F3: variants seen among roughly 807,000 people sequenced by gnomAD.
The protein encoded by F3 is tissue factor.
In F3, 18 loss-of-function variants were observed where a neutral mutation model predicts 33.5. The ratio of observed to expected loss-of-function variants is 0.54; its 90% CI spans 0.37 to 0.80. The LOEUF is 0.80. Among genes scored for constraint, F3 ranks in the 30% least tolerant of loss-of-function variants. The pLI, the probability that F3 is intolerant of heterozygous loss-of-function variation, is 0.00. For missense variants in F3, 353 were observed against 362.1 expected (o/e 0.97, Z 0.20); for synonymous variants, 147 against 140.7 (o/e 1.05, Z -0.32).
intron 4 of F3, 69 bp from the exon 5 acceptor site, chr1:94,532,549 G>C: frequency 1.3e-6 from 2 of 1,553,398 alleles, no homozygotes; most frequent in Admixed American, 1.8e-5. Context: ...TTAAGTCACT[G>C]TGGAAGTAAA....
At chr1:94,535,209 A>G (rs781139639) in intron 3 of F3, among the ~76,000 whole-genome samples, 6 of 152,120 alleles carry the variant, frequency 3.9e-5, no homozygotes, top group South Asian at 2.1e-4. Context: ...CTGGCCTTAC[A>G]AGAGAAGCTA....
chr1:94,536,967 C>CA (rs757466538), intron 2 of F3, among the ~76,000 whole-genome samples: 99 of 152,198 alleles, frequency 6.5e-4, no homozygotes, highest in Admixed American at 1.1e-3. Context: ...TCCATGAGGA[C>CA]ACTGAAGCTC....
At chr1:94,531,161 GA>G (rs2101088036) in intron 5 of F3, among the ~76,000 whole-genome samples, 1 of 152,330 alleles carries the variant, frequency 6.6e-6, no homozygotes, top group African/African-American at 2.4e-5. Context: ...GGATGGCTCA[GA>G]GGGGTGCAGG....
In F3 at chr1:94,541,509, C is replaced by T; in HGVS notation, c.100+28G>A. On this transcript the variant is annotated intron_variant, in intron 1 of 5. Transcript: ENST00000334047. Reference sequence around the variant, plus strand: ...CCTCCCTCCTGCGTGTGGCGCGCCCCGGGCTTCCAGGGGCTGGTGCCACTC... The same window carrying T: ...CCTCCCTCCTGCGTGTGGCGCGCCCTGGGCTTCCAGGGGCTGGTGCCACTC... 2.8e-6 allele frequency: 4 copies of T among 1,443,766 alleles called. No individual in the cohort carries two copies. In the African/African-American group the frequency reaches 4.4e-5, roughly 16 times the overall value. The allele number at this position is 1,443,766 out of a possible 1,614,324, so 89.4% of individuals were successfully genotyped here. A position where few individuals can be genotyped will look rare whatever the true frequency, so the allele number is the denominator to read the frequency against.
In F3 at chr1:94,536,063, G is replaced by C. The variant is rs957191238; in HGVS notation, c.314C>G (p.Ala105Gly). ...IVKDVKQTYL[A>G]RVFSYPAGNV... ...CCCTGCCGGGTAGGAGAAGACCCGT[G>C]CCAAGTACGTCTGCTTCACATCCTT... is the stretch of plus-strand genomic sequence containing the variant. The change falls in exon 3 of 6, where the codon GCA (alanine) becomes GGA (glycine). Residue 105 changes from alanine to glycine, a missense_variant. Physicochemically the swap from Ala to Gly is moderately conservative, Grantham distance 60. Transcript: ENST00000334047. 23 of 1,614,026 alleles carry C rather than the reference G, an allele frequency of 1.4e-5. No homozygotes were observed. The highest frequency in any genetic ancestry group is 1.9e-5 in the Non-Finnish European group (23 of 1,180,028).
rs1363941365 is a variant in F3 at position 94,532,424 on chromosome 1, G to A, written c.648C>T (p.Asn216=). Reference sequence around the variant, plus strand: ...TCACTGCTTGAACACTGAAACAGTAGTTTTCTCCTTTATCCACATCAATCA... The same window carrying A: ...TCACTGCTTGAACACTGAAACAGTAATTTTCTCCTTTATCCACATCAATCA... ...EFLIDVDKGE[N]YCFSVQAVIP... is the part of the protein sequence containing the mutation. Residue 216 remains asparagine, a synonymous_variant, in exon 5 of 6, where the codon AAC becomes AAT. Coordinates refer to ENST00000334047, the MANE Select transcript of F3 (RefSeq NM_001993.5). 3 of 1,614,172 alleles carry A rather than the reference G, an allele frequency of 1.9e-6. No homozygotes were observed. The highest frequency in any genetic ancestry group is 1.1e-5 in the South Asian group (1 of 91,088).
At chr1:94,532,541 A>G in intron 4 of F3, 61 bp from the exon 5 acceptor site, 8 of 1,574,638 alleles carry the variant, frequency 5.1e-6, no homozygotes, top group Non-Finnish European at 6.9e-6. Flanking sequence ...CCCCTTTATT[A>G]AGTCACTGTG....
intron 5 of F3, among the ~76,000 whole-genome samples, chr1:94,531,605 G>A (rs1651428213): frequency 6.6e-6 from 1 of 152,052 alleles, no homozygotes; most frequent in Non-Finnish European, 1.5e-5. Context: ...CCCAGCGTAA[G>A]CCATCGTTTA....
Position 94,536,164 on chromosome 1 carries a change from G to A in F3, c.213C>T (p.Ser71=), listed in dbSNP as rs1651599889. The A allele has an allele frequency of 8.7e-6, 14 of 1,613,510 alleles. No homozygotes were observed. The highest frequency in any genetic ancestry group is 1.1e-5 in the Non-Finnish European group (13 of 1,179,702). ...PVNQVYTVQI[S]TKSGDWKSKC... ...TGCTTTTCCAATCTCCTGACTTAGT[G>A]CTAAAGAAAGAAAAGAAGGAAGAAA... The change falls in exon 3 of 6, where the codon AGC becomes AGT. Residue 71 remains serine (S), a splice_region_variant and synonymous_variant. Coordinates refer to ENST00000334047, the MANE Select transcript of F3 (RefSeq NM_001993.5).
intron 3 of F3, among the ~76,000 whole-genome samples, chr1:94,534,798 T>A (rs1203299763): frequency 1.3e-5 from 2 of 152,128 alleles, no homozygotes; most frequent in African/African-American, 2.4e-5. Flanking sequence ...ATAAAATATC[T>A]TCTATCTTGC....
At chr1:94,539,616 A>C (rs1176480680) in intron 2 of F3, among the ~76,000 whole-genome samples, 1 of 152,228 alleles carries the variant, frequency 6.6e-6, no homozygotes, top group Non-Finnish European at 1.5e-5. Context: ...CTTTAGATTG[A>C]ACATGCTGAA....
intron 1 of F3, 69 bp from the exon 2 acceptor site, chr1:94,540,437 A>C: frequency 1.0e-6 from 1 of 956,756 alleles, no homozygotes; most frequent in Non-Finnish European, 1.6e-6. Context: ...GATGTATAAA[A>C]CACCTTCCCA....
chr1:94,533,958 C>T (rs932027896), intron 3 of F3, among the ~76,000 whole-genome samples: 2 of 152,046 alleles, frequency 1.3e-5, no homozygotes, highest in African/African-American at 4.8e-5. Flanking sequence ...CCTCCTCCAC[C>T]TGGGTTGAAG....
intron 2 of F3, 109 bp downstream of exon 2, chr1:94,540,148 C>T (rs1651729950): frequency 3.9e-6 from 3 of 766,330 alleles, no homozygotes; most frequent in Non-Finnish European, 6.6e-6. Context: ...TCTTCTTCGT[C>T]ATCTGTTAAA....
rs2101087969 is a variant in F3, at chr1:94,531,085, G to A, written c.752-489C>T. On this transcript the variant is annotated intron_variant, in intron 5 of 5. Transcript: ENST00000334047. ...CGGCCAGGGAAGCAGAGAAGTGTGT[G>A]TGCACAAAAGGAGAGGCAGTGGAAT... 1.3e-5 allele frequency among the ~76,000 whole-genome samples: 2 copies of A among 152,258 alleles called. 1 individual carries two copies. The highest frequency in any genetic ancestry group is 4.8e-5 in the African/African-American group (2 of 41,564).
chr1:94,534,113 C>T (rs577592361), intron 3 of F3, among the ~76,000 whole-genome samples: 4 of 152,258 alleles, frequency 2.6e-5, no homozygotes, highest in South Asian at 2.1e-4. Context: ...GTGATCCACC[C>T]GCCTTAGCAT....
At chr1:94,541,396 G>T in intron 1 of F3, 141 bp downstream of exon 1, 2 of 629,216 alleles carry the variant, frequency 3.2e-6, no homozygotes, top group Non-Finnish European at 4.8e-6. Context: ...AGCCGGGCTG[G>T]GTGAGCGCAG....
In F3 at chr1:94,541,733, G is replaced by GA. The variant is rs1423631421; in HGVS notation, c.-98dup. 9 of 683,146 alleles carry GA rather than the reference G, an allele frequency of 1.3e-5. No homozygotes were observed. In the Admixed American group the frequency reaches 3.9e-4, roughly 30 times the overall value. The allele number at this position is 683,146 out of a possible 1,614,324, so 42.3% of individuals were successfully genotyped here. A position where few individuals can be genotyped will look rare whatever the true frequency, so the allele number is the denominator to read the frequency against. The stretch of plus-strand genomic sequence containing the variant: ...GCCCTGGGCCGGCCAGAGGGAGTGC[G>GA]AGGGGGTGCGGGGAGCTCGCAGTCT... On this transcript the variant is annotated 5_prime_UTR_variant, in exon 1 of 6. Coordinates refer to ENST00000334047, the MANE Select transcript of F3 (RefSeq NM_001993.5).
At chr1:94,536,421 T>C (rs1557702110) in intron 2 of F3, among the ~76,000 whole-genome samples, 1 of 152,178 alleles carries the variant, frequency 6.6e-6, no homozygotes, top group Non-Finnish European at 1.5e-5. Context: ...TGAGCCATCA[T>C]ACCTAGCAAC....
Sources: allele counts gnomAD v4.1 joint callset (sites outside exome capture counted in the v4.1 genomes callset), GRCh38; gene constraint gnomAD v4.1.1; transcripts MANE v1.5; gene names NCBI Gene and HGNC (gene_info 2026-07-23, HGNC 2026-07-21).